The following ZMYM4 variants were observed in gnomAD, a reference collection of about 807,000 sequenced individuals.
ZMYM4 encodes zinc finger MYM-type containing 4, also known as zinc finger MYM-type protein 4.
A neutral mutation model predicts 183.2 loss-of-function variants in ZMYM4; 31 were observed. The ratio of observed to expected loss-of-function variants is 0.17; its 90% CI spans 0.13 to 0.23. The LOEUF (loss-of-function observed/expected upper bound fraction) is 0.23, where lower values mean the gene tolerates loss of function less well. Ranked by LOEUF, ZMYM4 falls within the 10% of genes least tolerant of loss-of-function variation. ZMYM4 has a pLI of 1.00. For synonymous variants in ZMYM4, 592 were observed against 631.2 expected (o/e 0.94, Z 0.93); for missense variants, 1,273 against 1,840.3 (o/e 0.69, Z 5.64).
In ZMYM4 at chr1:35,418,372, C is replaced by G. The variant is rs1640206549; in HGVS notation, c.4310-71C>G. On this transcript the variant is annotated intron_variant, in intron 28 of 29. Transcript: ENST00000314607. ...AAAGTTCTGGCTGCGAAGCAAAGCT[C>G]ATTGGTGTCTTGAGACTCAAAGAAT... 6.5e-6 allele frequency: 10 copies of G among 1,536,584 alleles called. No individual in the cohort carries two copies. In the African/African-American group the frequency reaches 1.4e-4, roughly 21 times the overall value.
intron 1 of ZMYM4, among the ~76,000 whole-genome samples, chr1:35,316,786 AAGAT>A (rs1570337269): frequency 6.6e-6 from 1 of 152,344 alleles, no homozygotes; most frequent in Non-Finnish European, 1.5e-5. Context: ...CAGGCAAGTG[AAGAT>A]AGGACAAGAG....
intron 1 of ZMYM4, among the ~76,000 whole-genome samples, chr1:35,280,328 G>A (rs1044786520): frequency 1.3e-5 from 2 of 150,296 alleles, no homozygotes; most frequent in Admixed American, 6.7e-5. Flanking sequence ...AATAGAGATG[G>A]TGTTTTACCA....
intron 5 of ZMYM4, among the ~76,000 whole-genome samples, chr1:35,364,293 A>G (rs1644015626): frequency 2.6e-5 from 4 of 152,128 alleles, no homozygotes; most frequent in Admixed American, 2.0e-4. Context: ...ACCCCACAAT[A>G]AGGGACTTGT....
At chr1:35,352,412 A>G (rs1230280214) in intron 2 of ZMYM4, among the ~76,000 whole-genome samples, 4 of 151,892 alleles carry the variant, frequency 2.6e-5, no homozygotes, top group Admixed American at 6.6e-5. Flanking sequence ...ACACACACAC[A>G]CACACACACA....
intron 1 of ZMYM4, among the ~76,000 whole-genome samples, chr1:35,273,006 G>A (rs912009926): frequency 3.3e-5 from 5 of 152,250 alleles, no homozygotes; most frequent in African/African-American, 7.2e-5. Context: ...GAGCCACCAC[G>A]CCCAGCCGGT....
chr1:35,352,761 C>G (rs932904988), intron 2 of ZMYM4, among the ~76,000 whole-genome samples: 8 of 152,152 alleles, frequency 5.3e-5, no homozygotes, highest in African/African-American at 1.7e-4. Flanking sequence ...GTGTCTTTTT[C>G]TGACTCCTTC....
rs1260197327 is a variant in ZMYM4 at position 35,420,014 on chromosome 1, T to C, written c.*337T>C. 1 of 328,738 alleles carries C rather than the reference T, an allele frequency of 3.0e-6. No individual in the cohort carries two copies. The highest frequency in any genetic ancestry group is 2.1e-5 in the African/African-American group (1 of 46,766). The allele number at this position is 328,738 out of a possible 1,614,324, so 20.4% of individuals were successfully genotyped here. On this transcript the variant is annotated 3_prime_UTR_variant, in exon 30 of 30. Transcript: ENST00000314607. ...TGTATAAAACTTTACCATAGTAACC[T>C]TAGACCTTAGAGAGGTAGCTTTGGA...
At chr1:35,416,494 A>T (rs1295389739) in intron 28 of ZMYM4, among the ~76,000 whole-genome samples, 1 of 152,124 alleles carries the variant, frequency 6.6e-6, no homozygotes, top group African/African-American at 2.4e-5. Context: ...TTTTTCACCT[A>T]ATGTCTGTGT....
chr1:35,307,063 A>G (rs1344741028), intron 1 of ZMYM4, among the ~76,000 whole-genome samples: 1 of 152,226 alleles, frequency 6.6e-6, no homozygotes, highest in Non-Finnish European at 1.5e-5. Flanking sequence ...CCGTTGGCTA[A>G]CTGACTGAAC....
chr1:35,314,628 A>T (rs1641957564), intron 1 of ZMYM4, among the ~76,000 whole-genome samples: 1 of 145,350 alleles, frequency 6.9e-6, no homozygotes, highest in Non-Finnish European at 1.5e-5. Context: ...ATACTTGCAG[A>T]TTGAAAGGGA....
intron 2 of ZMYM4, among the ~76,000 whole-genome samples, chr1:35,347,077 C>T (rs932499772): frequency 1.3e-5 from 2 of 152,220 alleles, no homozygotes; most frequent in Admixed American, 1.3e-4. Flanking sequence ...ACTGTCTTGG[C>T]TCACTGCATC....
At chr1:35,347,343 T>C (rs1429648958) in intron 2 of ZMYM4, among the ~76,000 whole-genome samples, 1 of 152,212 alleles carries the variant, frequency 6.6e-6, no homozygotes, top group Non-Finnish European at 1.5e-5. Flanking sequence ...CCATTGACCA[T>C]TTTTGCAGAT....
At chr1:35,361,932 AC>A in intron 5 of ZMYM4, 143 bp downstream of exon 5, 1 of 1,091,748 alleles carries the variant, frequency 9.2e-7, no homozygotes, top group Non-Finnish European at 1.3e-6. Context: ...GATTTGAATT[AC>A]CATATAAGGC....
At chr1:35,340,296 A>G (rs1020969743) in intron 2 of ZMYM4, among the ~76,000 whole-genome samples, 1 of 151,938 alleles carries the variant, frequency 6.6e-6, no homozygotes, top group Non-Finnish European at 1.5e-5. Flanking sequence ...GCAGTCCCCA[A>G]CCTGTTTTGG....
intron 1 of ZMYM4, among the ~76,000 whole-genome samples, chr1:35,302,200 C>CCTT (rs1641311910): frequency 3.4e-5 from 2 of 58,556 alleles, no homozygotes; most frequent in African/African-American, 1.3e-4. Flanking sequence ...ACGGCTCTTG[C>CCTT]TTTTTTTTTT....
At chr1:35,317,755 C>T (rs1448578635) in intron 1 of ZMYM4, among the ~76,000 whole-genome samples, 3 of 151,748 alleles carry the variant, frequency 2.0e-5, no homozygotes, top group African/African-American at 7.3e-5. Flanking sequence ...AGCTATTTAA[C>T]ATGTTGATGG....
intron 2 of ZMYM4, among the ~76,000 whole-genome samples, chr1:35,356,700 A>G (rs974381692): frequency 7.2e-5 from 11 of 152,210 alleles, no homozygotes; most frequent in African/African-American, 2.7e-4. Context: ...TTTTATCCCT[A>G]GAACCTAGTG....
chr1:35,410,849 T>C (rs1408720341), intron 26 of ZMYM4, among the ~76,000 whole-genome samples: 2 of 152,054 alleles, frequency 1.3e-5, no homozygotes, highest in Non-Finnish European at 2.9e-5. Flanking sequence ...TCTTTTCCTT[T>C]CTCTTTTCTT....
intron 2 of ZMYM4, among the ~76,000 whole-genome samples, chr1:35,340,538 T>C (rs1643162633): frequency 6.6e-6 from 1 of 151,312 alleles, no homozygotes; most frequent in South Asian, 2.1e-4. Context: ...CTGGGAGTGA[T>C]GGGAGATAAG....
Sources: allele counts gnomAD v4.1 joint callset (sites outside exome capture counted in the v4.1 genomes callset), GRCh38; gene constraint gnomAD v4.1.1; transcripts MANE v1.5; gene names NCBI Gene and HGNC (gene_info 2026-07-23, HGNC 2026-07-21).